The following UMAD1 variants were observed in gnomAD, a reference collection of about 807,000 sequenced individuals.
UMAD1 encodes UBAP1-MVB12-associated (UMA) domain containing 1.
Under a neutral mutation model 6.1 loss-of-function variants are expected in UMAD1, and 8 were observed. The ratio of observed to expected loss-of-function variants is 1.30; its 90% CI spans 0.76 to 2.35. The LOEUF is 2.35. UMAD1 is among the 30% of genes most tolerant of loss of function. The pLI is 0.00. For synonymous variants in UMAD1, 56 were observed against 31.4 expected, an observed-to-expected ratio of 1.78 and a Z score of -2.61; for missense variants, 130 against 78.4, an observed-to-expected ratio of 1.66 and a Z score of -2.49.
chr7:7,646,480 A>ATTTTTTTTTTTTTTTTTTTTT (rs35948027), intron 1 of UMAD1, among the ~76,000 whole-genome samples: 1 of 111,360 alleles, frequency 9.0e-6, no homozygotes, highest in Non-Finnish European at 1.8e-5. Context: ...CTTTCGCTGG[A>ATTTTTTTTTTTTTTTTTTTTT]TTTTTTTTTT....
chr7:7,809,003 A>T (rs992884914), intron 3 of UMAD1, among the ~76,000 whole-genome samples: 1 of 151,932 alleles, frequency 6.6e-6, no homozygotes, highest in African/African-American at 2.4e-5. Context: ...CCTTCCCCCA[A>T]CTTCTGTTAC....
At position 7,865,360 on chromosome 7, in the gene UMAD1, G is replaced by A. The variant is rs548232777; in HGVS notation, c.157-11921G>A. 3.9e-5 allele frequency among the ~76,000 whole-genome samples: 6 copies of A among 152,278 alleles called. No individual in the cohort carries two copies. The South Asian group carries it at 1.2e-3, about 32-fold the overall frequency. ...CTCGGTTGTTATTCGGGGAGTTGGA[G>A]AATTGGTTGGTATGAGGAAAAAGCC... On this transcript the variant is annotated intron_variant, in intron 3 of 3. Transcript: ENST00000682710.
intron 3 of UMAD1, among the ~76,000 whole-genome samples, chr7:7,852,161 A>C (rs1783928216): frequency 6.6e-6 from 1 of 152,218 alleles, no homozygotes; most frequent in Admixed American, 6.5e-5. Flanking sequence ...TGGCACCCTT[A>C]TCAAAAATCA....
At chr7:7,772,684 A>G (rs550613212) in intron 2 of UMAD1, among the ~76,000 whole-genome samples, 1 of 152,300 alleles carries the variant, frequency 6.6e-6, no homozygotes, top group Non-Finnish European at 1.5e-5. Context: ...TTCTTCACAG[A>G]TGAATGGAGT....
chr7:7,671,236 G>C (rs1216035299), intron 1 of UMAD1, among the ~76,000 whole-genome samples: 2 of 152,130 alleles, frequency 1.3e-5, no homozygotes, highest in Non-Finnish European at 2.9e-5. Context: ...TAAAATTTTT[G>C]CTAGATGTAA....
rs781591185 is a variant in UMAD1 at position 7,766,949 on chromosome 7, A to G, written c.83-34721A>G. Among the ~76,000 whole-genome samples the G allele has an allele frequency of 3.3e-5, 5 of 152,260 alleles. No individual in the cohort carries two copies. In the South Asian group the frequency reaches 8.3e-4, roughly 25 times the overall value. On this transcript the variant is annotated intron_variant, in intron 2 of 3. Coordinates refer to ENST00000682710, the MANE Select transcript of UMAD1 (RefSeq NM_001302348.2). ...TGGAATTTATATTTTGGTGGATTCT[A>G]TAGGCATTCTTGCCTATTCTGCTTT...
intron 2 of UMAD1, among the ~76,000 whole-genome samples, chr7:7,800,175 G>T (rs1398952194): frequency 3.3e-5 from 5 of 152,244 alleles, no homozygotes; most frequent in Non-Finnish European, 2.9e-5. Flanking sequence ...GAGCCACCAT[G>T]CCTGGCCTTG....
At position 7,776,958 on chromosome 7, in the gene UMAD1, T is replaced by C. The variant is rs573529026; in HGVS notation, c.83-24712T>C. Reference sequence around the variant, plus strand: ...CTTTTATGTATTCTTTCAGAGTTTATGTCTACACGAGCAAATGCAGGTGTA... The same window carrying C: ...CTTTTATGTATTCTTTCAGAGTTTACGTCTACACGAGCAAATGCAGGTGTA... On this transcript the variant is annotated intron_variant, in intron 2 of 3. Coordinates refer to ENST00000682710, the MANE Select transcript of UMAD1 (RefSeq NM_001302348.2). 1.2e-4 allele frequency among the ~76,000 whole-genome samples: 19 copies of C among 152,366 alleles called. No individual in the cohort carries two copies. The East Asian group carries it at 3.7e-3, about 29-fold the overall frequency.
chr7:7,754,909 C>T (rs17137295), intron 2 of UMAD1, among the ~76,000 whole-genome samples: 2,439 of 152,224 alleles, frequency 0.016, 61 homozygotes, highest in African/African-American at 0.055. Flanking sequence ...CACATCTTTT[C>T]GCAGCAACTT....
At position 7,784,792 on chromosome 7, in the gene UMAD1, T is replaced by A. The variant is rs180810591; in HGVS notation, c.83-16878T>A. 2.1e-3 allele frequency among the ~76,000 whole-genome samples: 285 copies of A among 132,998 alleles called. 2 individuals carry two copies. Among genetic ancestry groups the A allele is most frequent in the African/African-American group, 8.7e-3 (269 of 31,036 alleles). 87.3% of individuals were successfully genotyped at this position (132,998 alleles called of 152,430 possible). On this transcript the variant is annotated intron_variant, in intron 2 of 3. Coordinates refer to ENST00000682710, the MANE Select transcript of UMAD1 (RefSeq NM_001302348.2). ...TTTTTTTTTTTTTGAGACGGAGTCT[T>A]GCTGTGTCGCCCAGGCTGGAGTGCA...
intron 1 of UMAD1, among the ~76,000 whole-genome samples, chr7:7,647,346 C>T (rs987531070): frequency 2.6e-5 from 4 of 152,116 alleles, no homozygotes; most frequent in African/African-American, 9.7e-5. Flanking sequence ...TTGTCTAATT[C>T]TTTGCAATTA....
chr7:7,743,697 T>C (rs1057423645), intron 2 of UMAD1, among the ~76,000 whole-genome samples: 13 of 35,992 alleles, frequency 3.6e-4, no homozygotes, highest in African/African-American at 2.4e-3. Flanking sequence ...TATATGTATA[T>C]GTATAATATA....
intron 2 of UMAD1, among the ~76,000 whole-genome samples, chr7:7,769,193 T>C (rs1782053219): frequency 2.0e-5 from 3 of 152,316 alleles, no homozygotes; most frequent in Middle Eastern, 3.4e-3. Flanking sequence ...TAGGGTAACA[T>C]GGTTAGGGAA....
chr7:7,738,121 G>A (rs1781396139), intron 2 of UMAD1, among the ~76,000 whole-genome samples: 1 of 152,120 alleles, frequency 6.6e-6, no homozygotes, highest in South Asian at 2.1e-4. Context: ...AAAAGGGTCT[G>A]TAGAATATTA....
intron 2 of UMAD1, among the ~76,000 whole-genome samples, chr7:7,794,516 C>T (rs1351311901): frequency 2.0e-5 from 3 of 152,110 alleles, no homozygotes; most frequent in Admixed American, 6.5e-5. Context: ...CTGAATTCCC[C>T]ATTATGACAG....
intron 2 of UMAD1, among the ~76,000 whole-genome samples, chr7:7,680,205 A>T (rs905807228): frequency 2.6e-5 from 4 of 151,912 alleles, no homozygotes; most frequent in Non-Finnish European, 5.9e-5. Flanking sequence ...ATCCATTTTG[A>T]TTTGATTTTT....
intron 3 of UMAD1, among the ~76,000 whole-genome samples, chr7:7,839,952 A>G (rs1383691562): frequency 6.6e-6 from 1 of 152,212 alleles, no homozygotes; most frequent in Admixed American, 6.5e-5. Flanking sequence ...ATTGGGCTTA[A>G]CTGAGGTTGA....
At chr7:7,723,184 G>A (rs1781082464) in intron 2 of UMAD1, among the ~76,000 whole-genome samples, 1 of 152,184 alleles carries the variant, frequency 6.6e-6, no homozygotes, top group African/African-American at 2.4e-5. Context: ...ATGAGGAGGT[G>A]TGCTACACTT....
At chr7:7,722,940 G>A (rs551677095) in intron 2 of UMAD1, among the ~76,000 whole-genome samples, 4 of 152,328 alleles carry the variant, frequency 2.6e-5, no homozygotes, top group Admixed American at 6.5e-5. Context: ...TCCATCCCCA[G>A]TATTGGCAAC....
Sources: allele counts gnomAD v4.1 joint callset (sites outside exome capture counted in the v4.1 genomes callset), GRCh38; gene constraint gnomAD v4.1.1; transcripts MANE v1.5; gene names NCBI Gene and HGNC (gene_info 2026-07-23, HGNC 2026-07-21).